The following RIMBP2 variants were observed in gnomAD, a reference collection of about 807,000 sequenced individuals.
RIMBP2 encodes RIMS binding protein 2, also known as RIMS-binding protein 2.
A neutral mutation model predicts 118.6 loss-of-function variants in RIMBP2; 48 were observed. The ratio of observed to expected loss-of-function variants is 0.40; its 90% confidence interval spans 0.32 to 0.51. RIMBP2 has a LOEUF of 0.51. Ranked by LOEUF, RIMBP2 falls within the 20% of genes least tolerant of loss-of-function variation. The pLI is 0.41. For missense variants in RIMBP2, 1,551 were observed against 1,768.3 expected (o/e 0.88, Z 2.20); for synonymous variants, 762 against 742.9 (o/e 1.03, Z -0.42).
In RIMBP2 at chr12:130,445,284, C is replaced by T. The variant is rs1170808919; in HGVS notation, c.582-15G>A. The stretch of plus-strand genomic sequence containing the variant: ...AGGGGTTGTAACTGCAGAGAAAACA[C>T]AGTTCCTTCATTAGAGGCTCTGGAG... On this transcript the variant is annotated splice_polypyrimidine_tract_variant and intron_variant, in intron 9 of 22. Coordinates refer to ENST00000690449, the MANE Select transcript of RIMBP2 (RefSeq NM_001393629.1). The T allele has an allele frequency of 1.9e-6, 3 of 1,591,730 alleles. No individual in the cohort carries two copies. The highest frequency in any genetic ancestry group is 1.7e-6 in the Non-Finnish European group (2 of 1,164,412).
intron 2 of RIMBP2, among the ~76,000 whole-genome samples, chr12:130,610,860 A>G (rs2060498696): frequency 6.6e-6 from 1 of 151,878 alleles, no homozygotes; most frequent in Admixed American, 6.6e-5. Context: ...GCGCCCGGCC[A>G]TTTTCCTGCT....
At chr12:130,566,834 A>G (rs1480730404) in intron 2 of RIMBP2, among the ~76,000 whole-genome samples, 1 of 152,248 alleles carries the variant, frequency 6.6e-6, no homozygotes, top group Non-Finnish European at 1.5e-5. Context: ...GATAACTGAT[A>G]CAACACAATA....
intron 11 of RIMBP2, among the ~76,000 whole-genome samples, chr12:130,438,945 A>G (rs2137078612): frequency 6.6e-6 from 1 of 152,216 alleles, no homozygotes; most frequent in Admixed American, 6.5e-5. Context: ...AGATCTTGGC[A>G]GAAGGCAATC....
intron 2 of RIMBP2, among the ~76,000 whole-genome samples, chr12:130,616,096 G>T (rs2060917180): frequency 6.6e-6 from 1 of 152,110 alleles, no homozygotes; most frequent in South Asian, 2.1e-4. Context: ...GCTGGGCTCT[G>T]TGTCCAAGAA....
intron 2 of RIMBP2, among the ~76,000 whole-genome samples, chr12:130,609,656 C>T (rs887590924): frequency 7.6e-6 from 1 of 131,200 alleles, no homozygotes; most frequent in Non-Finnish European, 1.7e-5. Context: ...GTCCCATGAT[C>T]TGCCGTCTGG....
chr12:130,606,846 T>C lies in RIMBP2; in HGVS notation c.-217+21476A>G, dbSNP rs114286081. On this transcript the variant is annotated intron_variant, in intron 2 of 22. Coordinates refer to ENST00000690449, the MANE Select transcript of RIMBP2 (RefSeq NM_001393629.1). Reference sequence around the variant, plus strand: ...ACCACAACAAGCAGTTCCAATTCTTTTTTAAGATGAAGTCTTGCTCTGTCG... The same window carrying C: ...ACCACAACAAGCAGTTCCAATTCTTCTTTAAGATGAAGTCTTGCTCTGTCG... Among the ~76,000 whole-genome samples, 764 of 152,302 alleles carry C rather than the reference T, an allele frequency of 5.0e-3. 9 individuals are homozygous for C. The highest frequency in any genetic ancestry group is 0.017 in the African/African-American group (722 of 41,558).
rs1020409259 is a variant in RIMBP2 at position 130,447,125 on chromosome 12, G to A, written c.582-1856C>T. Among the ~76,000 whole-genome samples, 16 of 151,808 alleles carry A rather than the reference G, an allele frequency of 1.1e-4. No individual in the cohort carries two copies. The highest frequency in any genetic ancestry group is 2.9e-4 in the African/African-American group (12 of 41,324). On this transcript the variant is annotated intron_variant, in intron 9 of 22. Coordinates refer to ENST00000690449, the MANE Select transcript of RIMBP2 (RefSeq NM_001393629.1). The surrounding 1 kb of genome is among the most constrained non-coding windows in gnomAD (Gnocchi z 4.4). ...AGAGGAACAGGAGCCCCCAGGCCAC[G>A]CCTTCAGGAGTGCCCACACCTGACG...
intron 17 of RIMBP2, 52 bp from the exon 18 acceptor site, chr12:130,414,358 G>C (rs2075969827): frequency 6.7e-7 from 1 of 1,500,218 alleles, no homozygotes; most frequent in Admixed American, 2.2e-5. Context: ...TAACTGAGGA[G>C]CGTGCACGGG....
At chr12:130,641,368 T>A (rs11061048) in intron 1 of RIMBP2, among the ~76,000 whole-genome samples, 2,328 of 73,504 alleles carry the variant, frequency 0.032, 1 homozygote, top group African/African-American at 0.07. Flanking sequence ...TCGGCCCGGC[T>A]TCACGGGCTG....
intron 2 of RIMBP2, among the ~76,000 whole-genome samples, chr12:130,519,138 A>G (rs7138487): frequency 0.11 from 16,389 of 152,282 alleles, 1,055 homozygotes; most frequent in Middle Eastern, 0.22. Context: ...GGACACCCAC[A>G]TCTTGAATTG....
intron 2 of RIMBP2, among the ~76,000 whole-genome samples, chr12:130,571,816 TCA>T (rs377641893): frequency 2.0e-5 from 3 of 151,952 alleles, no homozygotes; most frequent in African/African-American, 7.3e-5. Flanking sequence ...TCCCCTTCAC[TCA>T]CTCTGCTGCC....
intron 1 of RIMBP2, among the ~76,000 whole-genome samples, chr12:130,646,353 C>G (rs375965170): frequency 0.02 from 2,037 of 101,506 alleles, 547 homozygotes; most frequent in Non-Finnish European, 0.025. Flanking sequence ...CTCACCACCT[C>G]CCTCACCACC....
rs1226305151 is a variant in RIMBP2, at chr12:130,469,422, C to T, written c.153+1271G>A. Among the ~76,000 whole-genome samples the T allele has an allele frequency of 6.6e-6, 1 of 152,108 alleles. No individual in the cohort carries two copies. The highest frequency in any genetic ancestry group is 2.4e-5 in the African/African-American group (1 of 41,412). On this transcript the variant is annotated intron_variant, in intron 6 of 22. Transcript: ENST00000690449. The surrounding 1 kb of genome is among the most constrained non-coding windows in gnomAD (Gnocchi z 4.8). Reference sequence around the variant, plus strand: ...GGGCTCCGGGGCAACTGGGGAGAGGCAACTACCTTTTCTGCCAGGAGACGA... The same window carrying T: ...GGGCTCCGGGGCAACTGGGGAGAGGTAACTACCTTTTCTGCCAGGAGACGA...
rs112815130 is a variant in RIMBP2 at position 130,612,981 on chromosome 12, C to T, written c.-217+15341G>A. ...CACCTAGTCTCCAGCCCCCCGTCAT[C>T]GCCACCTGCACAGGCTACTTAGACC... On this transcript the variant is annotated intron_variant, in intron 2 of 22. Transcript: ENST00000690449. 1.3e-3 allele frequency among the ~76,000 whole-genome samples: 202 copies of T among 151,936 alleles called. 2 individuals are homozygous for T. The highest frequency in any genetic ancestry group is 1.9e-3 in the African/African-American group (78 of 41,448).
chr12:130,455,096 C>T (rs552630079), intron 7 of RIMBP2, among the ~76,000 whole-genome samples: 1 of 152,328 alleles, frequency 6.6e-6, no homozygotes. Flanking sequence ...CAGTGGGTTT[C>T]CCAGAGCAGA....
rs1351299914 is a variant in RIMBP2, at chr12:130,535,728, CATATATATACATATATAT to C, written c.-216-17829_-216-17812del. 3.7e-3 allele frequency among the ~76,000 whole-genome samples: 473 copies of C among 127,866 alleles called. 1 individual carries two copies. Among genetic ancestry groups the C allele is most frequent in the African/African-American group, 0.011 (388 of 34,308 alleles). 83.9% of individuals were successfully genotyped at this position (127,866 alleles called of 152,430 possible). On this transcript the variant is annotated intron_variant, in intron 2 of 22. Coordinates refer to ENST00000690449, the MANE Select transcript of RIMBP2 (RefSeq NM_001393629.1). ...ACACATATACATATACATATATATA[CATATATATACATATATAT>C]ATATATATATATATATATATATATA...
rs1432923556 is a variant in RIMBP2, at chr12:130,475,631, A to T, written c.102+3281T>A. Among the ~76,000 whole-genome samples the T allele has an allele frequency of 1.3e-5, 2 of 152,040 alleles. No homozygotes were observed. The highest frequency in any genetic ancestry group is 2.9e-5 in the Non-Finnish European group (2 of 68,010). ...GCTCCAGGCGGGCGTCTCCAAGGGG[A>T]AAATGGAATCAGAAGCCCCCCAGAG... On this transcript the variant is annotated intron_variant, in intron 5 of 22. Transcript: ENST00000690449. This position sits in a 1 kb window ranked among gnomAD's most constrained non-coding sequence, Gnocchi z 4.1.
In RIMBP2 at chr12:130,685,341, C is replaced by T. The variant is rs191499337; in HGVS notation, c.-352+30881G>A. 5.0e-3 allele frequency among the ~76,000 whole-genome samples: 755 copies of T among 152,128 alleles called. 3 individuals carry two copies. Among genetic ancestry groups the T allele is most frequent in the Admixed American group, 7.3e-3 (112 of 15,274 alleles). ...CATCATGTTGTATATCTTAAATATA[C>T]ACAATAAAAGCTATTAAATAAATAA... On this transcript the variant is annotated intron_variant, in intron 1 of 22. Coordinates refer to ENST00000690449, the MANE Select transcript of RIMBP2 (RefSeq NM_001393629.1).
intron 1 of RIMBP2, among the ~76,000 whole-genome samples, chr12:130,679,359 C>T (rs1171391701): frequency 2.0e-5 from 3 of 152,340 alleles, no homozygotes; most frequent in East Asian, 1.9e-4. Context: ...CATTTGTCCA[C>T]GGGGCAGGAC....
Sources: allele counts gnomAD v4.1 joint callset (sites outside exome capture counted in the v4.1 genomes callset), GRCh38; gene constraint gnomAD v4.1.1; non-coding constraint Gnocchi (gnomAD v3.1); transcripts MANE v1.5; gene names NCBI Gene and HGNC (gene_info 2026-07-23, HGNC 2026-07-21).